The following SUGCT variants were observed in gnomAD, a reference collection of about 807,000 sequenced individuals.
SUGCT encodes succinyl-CoA:glutarate-CoA transferase, also known as succinyl-CoA:glutarate CoA-transferase.
SUGCT carries 41 observed loss-of-function variants against 55.0 expected under a neutral mutation model. That is an observed-to-expected ratio of 0.74 (90% CI 0.58 to 0.97). The LOEUF (loss-of-function observed/expected upper bound fraction) is 0.97, where lower values mean the gene tolerates loss of function less well. Among genes scored for constraint, SUGCT ranks in the 50% least tolerant of loss-of-function variants. The pLI, the probability that SUGCT is intolerant of heterozygous loss-of-function variation, is 0.00. For synonymous variants in SUGCT, 187 were observed against 200.4 expected (o/e 0.93, Z 0.56); for missense variants, 568 against 547.8 (o/e 1.04, Z -0.37).
chr7:40,314,864 C>G (rs1240248405), intron 8 of SUGCT, among the ~76,000 whole-genome samples: 1 of 152,020 alleles, frequency 6.6e-6, no homozygotes, highest in Non-Finnish European at 1.5e-5. Context: ...GCTCCCGGCC[C>G]CTCTTGTCTT....
chr7:40,898,123 G>A, the SUGCT span, among the ~76,000 whole-genome samples: 6 of 151,998 alleles, frequency 3.9e-5, no homozygotes, highest in Non-Finnish European at 8.8e-5. Context: ...AGCTTCACTC[G>A]TGAAGCCAGC....
chr7:40,259,220 A>G (rs1481806394), intron 7 of SUGCT, among the ~76,000 whole-genome samples: 1 of 152,136 alleles, frequency 6.6e-6, no homozygotes, highest in Non-Finnish European at 1.5e-5. Flanking sequence ...TAGAAGGAAT[A>G]AGTTCAAGAG....
At chr7:40,624,140 T>A in intron 12 of SUGCT, among the ~76,000 whole-genome samples, 1 of 152,156 alleles carries the variant, frequency 6.6e-6, no homozygotes, top group East Asian at 1.9e-4. Flanking sequence ...AGAACGTTGC[T>A]TCCCTGGCAC....
At chr7:40,558,882 C>G (rs1217761160) in intron 12 of SUGCT, among the ~76,000 whole-genome samples, 3 of 152,176 alleles carry the variant, frequency 2.0e-5, no homozygotes, top group Non-Finnish European at 4.4e-5. Context: ...CTGCTTTTCT[C>G]TCTCATGAGG....
chr7:40,602,783 T>G (rs1401322246), intron 12 of SUGCT, among the ~76,000 whole-genome samples: 1 of 152,222 alleles, frequency 6.6e-6, no homozygotes, highest in Non-Finnish European at 1.5e-5. Flanking sequence ...TCTAATCATT[T>G]CTAGGTGTAT....
At chr7:40,338,643 A>G (rs1451502757) in intron 9 of SUGCT, among the ~76,000 whole-genome samples, 1 of 152,034 alleles carries the variant, frequency 6.6e-6, no homozygotes, top group Non-Finnish European at 1.5e-5. Context: ...CTAGTTAGCC[A>G]TTCGTCTTAT....
At chr7:40,821,751 G>C (rs1242779977) in intron 13 of SUGCT, among the ~76,000 whole-genome samples, 1 of 151,914 alleles carries the variant, frequency 6.6e-6, no homozygotes, top group Non-Finnish European at 1.5e-5. Flanking sequence ...AGGGTTTTTT[G>C]TGTCTCTATC....
intron 9 of SUGCT, among the ~76,000 whole-genome samples, chr7:40,389,368 A>G (rs1785288000): frequency 6.6e-6 from 1 of 152,006 alleles, no homozygotes; most frequent in Non-Finnish European, 1.5e-5. Flanking sequence ...GGGAGAATCA[A>G]TTGAGCCCAG....
At chr7:40,501,466 A>G (rs1446501549) in intron 12 of SUGCT, among the ~76,000 whole-genome samples, 4 of 152,176 alleles carry the variant, frequency 2.6e-5, no homozygotes, top group Non-Finnish European at 2.9e-5. Flanking sequence ...AATGTCGAAT[A>G]AGAATCAAGG....
intron 11 of SUGCT, among the ~76,000 whole-genome samples, chr7:40,482,416 A>C (rs908480170): frequency 6.6e-6 from 1 of 152,288 alleles, no homozygotes; most frequent in Middle Eastern, 3.4e-3. Flanking sequence ...AAATGCTAAA[A>C]TTATGCATAA....
chr7:40,181,818 G>A, intron 2 of SUGCT, 137 bp from the exon 3 acceptor site: 1 of 574,238 alleles, frequency 1.7e-6, no homozygotes, highest in Non-Finnish European at 3.1e-6. Flanking sequence ...ATTACATATG[G>A]CCAAATTACA....
chr7:40,900,369 T>A, the SUGCT span, among the ~76,000 whole-genome samples: 1 of 152,240 alleles, frequency 6.6e-6, no homozygotes, highest in African/African-American at 2.4e-5. Context: ...TGACTAAGCC[T>A]CTTTATGCCT....
At chr7:40,145,358 C>CT (rs1046748865) in intron 1 of SUGCT, among the ~76,000 whole-genome samples, 4 of 151,504 alleles carry the variant, frequency 2.6e-5, no homozygotes, top group Non-Finnish European at 5.9e-5. Flanking sequence ...CCTTTTATAA[C>CT]TTTTTTTTTC....
chr7:41,005,364 C>T, the SUGCT span, among the ~76,000 whole-genome samples: 1 of 151,998 alleles, frequency 6.6e-6, no homozygotes, highest in Non-Finnish European at 1.5e-5. Context: ...TCTTCCTGCC[C>T]CATCCCCCCA....
At chr7:40,895,509 A>G in the SUGCT span, among the ~76,000 whole-genome samples, 1 of 152,326 alleles carries the variant, frequency 6.6e-6, no homozygotes, top group East Asian at 1.9e-4. Context: ...ATCAAGTGGG[A>G]TTTATCCGTG....
At chr7:40,332,453 T>G (rs534276806) in intron 9 of SUGCT, among the ~76,000 whole-genome samples, 3 of 138,090 alleles carry the variant, frequency 2.2e-5, no homozygotes, top group Non-Finnish European at 3.3e-5. Flanking sequence ...ATTTTTTTTT[T>G]TGTTTTTTTT....
At chr7:41,012,417 C>T in the SUGCT span, among the ~76,000 whole-genome samples, 1 of 152,184 alleles carries the variant, frequency 6.6e-6, no homozygotes, top group Non-Finnish European at 1.5e-5. Context: ...GGTCAAGCTA[C>T]TCAGTCTCTA....
chr7:40,596,818 A>T (rs1798028968), intron 12 of SUGCT, among the ~76,000 whole-genome samples: 1 of 152,130 alleles, frequency 6.6e-6, no homozygotes, highest in South Asian at 2.1e-4. Context: ...CAGACTAGTG[A>T]CAGTCTTGGT....
intron 9 of SUGCT, among the ~76,000 whole-genome samples, chr7:40,347,158 G>C (rs555747863): frequency 1.3e-5 from 2 of 152,300 alleles, no homozygotes; most frequent in South Asian, 4.1e-4. Context: ...GTTGGTAGAA[G>C]TATGGACATT....
Sources: allele counts gnomAD v4.1 joint callset (sites outside exome capture counted in the v4.1 genomes callset), GRCh38; gene constraint gnomAD v4.1.1; transcripts MANE v1.5; gene names NCBI Gene and HGNC (gene_info 2026-07-23, HGNC 2026-07-21).